Variants in DOCK1 observed in about 807,000 individuals in gnomAD.
The protein encoded by DOCK1 is dedicator of cytokinesis protein 1.
In DOCK1, 138 loss-of-function variants were observed where a neutral mutation model predicts 262.7. The observed-to-expected ratio is 0.53, with a 90% CI of 0.46 to 0.61. The LOEUF is 0.61. DOCK1 is among the 20% of genes least tolerant of loss of function. The pLI is 0.00. For missense variants in DOCK1, 1,908 were observed against 2,370.7 expected, an observed-to-expected ratio of 0.80 and a Z score of 4.05; for synonymous variants, 866 against 867.4, an observed-to-expected ratio of 1.00 and a Z score of 0.03.
chr10:127,175,249 T>A lies in DOCK1; in HGVS notation c.2847+47485T>A. On this transcript the variant is annotated intron_variant, in intron 27 of 51. Transcript: ENST00000623213. This position sits in a 1 kb window ranked among gnomAD's most constrained non-coding sequence, Gnocchi z 6.3. ...GCCTCTCCTTTTTCCAACTCCTGAA[T>A]GACCCCCAAGAGCACTTTGATGGTT... The A allele has an allele frequency of 6.2e-7, 1 of 1,614,138 alleles. No individual in the cohort carries two copies. Among genetic ancestry groups the A allele is most frequent in the Non-Finnish European group, 8.5e-7 (1 of 1,180,002 alleles).
At chr10:127,353,797 G>A (rs1224537978) in intron 31 of DOCK1, among the ~76,000 whole-genome samples, 1 of 152,196 alleles carries the variant, frequency 6.6e-6, no homozygotes, top group Non-Finnish European at 1.5e-5. Context: ...TAGGGCACCA[G>A]AGTCTTCTCT....
At chr10:126,929,532 G>A (rs2034025339) in intron 1 of DOCK1, among the ~76,000 whole-genome samples, 1 of 152,060 alleles carries the variant, frequency 6.6e-6, no homozygotes, top group Non-Finnish European at 1.5e-5. Flanking sequence ...GGCGAGCCTT[G>A]GAGGACGCCG....
chr10:127,064,770 CCCCATTTCTAAGTGT>C (rs2045753152), intron 23 of DOCK1, among the ~76,000 whole-genome samples: 1 of 152,192 alleles, frequency 6.6e-6, no homozygotes, highest in Non-Finnish European at 1.5e-5. Flanking sequence ...ACATGAAATT[CCCCATTTCTAAGTGT>C]CCCGTTCAGT....
intron 29 of DOCK1, among the ~76,000 whole-genome samples, chr10:127,289,941 TA>T (rs1329291465): frequency 6.6e-6 from 1 of 152,200 alleles, no homozygotes; most frequent in East Asian, 1.9e-4. Context: ...ATTTCTGATA[TA>T]TTTTTTACTT....
intron 23 of DOCK1, among the ~76,000 whole-genome samples, chr10:127,078,044 G>T (rs894499913): frequency 6.6e-5 from 10 of 152,106 alleles, no homozygotes; most frequent in African/African-American, 2.4e-4. Context: ...AAGGAATTTG[G>T]ACGAGGAGGT....
chr10:127,350,709 A>G (rs539317330), intron 31 of DOCK1, among the ~76,000 whole-genome samples: 1 of 152,220 alleles, frequency 6.6e-6, no homozygotes, highest in Non-Finnish European at 1.5e-5. Context: ...TGTTCTCCAT[A>G]TCATAGTAAT....
intron 27 of DOCK1, among the ~76,000 whole-genome samples, chr10:127,244,516 A>C (rs544475796): frequency 6.6e-6 from 1 of 152,350 alleles, no homozygotes; most frequent in East Asian, 1.9e-4. Flanking sequence ...CCAACAGCAC[A>C]CAAGAGTCCT....
At chr10:127,283,084 C>T (rs1464939204) in intron 29 of DOCK1, among the ~76,000 whole-genome samples, 7 of 152,250 alleles carry the variant, frequency 4.6e-5, no homozygotes, top group Non-Finnish European at 1.0e-4. Flanking sequence ...AGGAGCGTTA[C>T]GTGGTCTGTG....
At chr10:127,350,631 G>GA (rs2063838477) in intron 31 of DOCK1, among the ~76,000 whole-genome samples, 1 of 152,116 alleles carries the variant, frequency 6.6e-6, no homozygotes, top group South Asian at 2.1e-4. Context: ...TTTATCTTGT[G>GA]TGATTATTTT....
intron 27 of DOCK1, among the ~76,000 whole-genome samples, chr10:127,153,642 A>C (rs1213866310): frequency 6.6e-6 from 1 of 152,244 alleles, no homozygotes; most frequent in Non-Finnish European, 1.5e-5. Context: ...TACATTTGCA[A>C]GATAAATGGG....
chr10:127,255,058 C>T (rs2059783410), intron 28 of DOCK1, among the ~76,000 whole-genome samples: 1 of 152,122 alleles, frequency 6.6e-6, no homozygotes, highest in Non-Finnish European at 1.5e-5. Flanking sequence ...TGGATGGCTG[C>T]TATTAGAGCA....
At chr10:127,131,967 G>A (rs2050353431) in intron 27 of DOCK1, among the ~76,000 whole-genome samples, 1 of 152,152 alleles carries the variant, frequency 6.6e-6, no homozygotes, top group Admixed American at 6.5e-5. Flanking sequence ...AAAGAACTCT[G>A]AAATTAATAT....
At position 127,063,805 on chromosome 10, in the gene DOCK1, C is replaced by T. The variant is rs571620860; in HGVS notation, c.2445+2029C>T. On this transcript the variant is annotated intron_variant, in intron 23 of 51. Coordinates refer to ENST00000623213, the MANE Select transcript of DOCK1 (RefSeq NM_001290223.2). ...GCCTCCCTCCCTTGAAGTCAGATTA[C>T]TTAGTGACTAGGGACCGGGAAGACC... Among the ~76,000 whole-genome samples, 30 of 152,294 alleles carry T rather than the reference C, an allele frequency of 2.0e-4. 1 individual carries two copies. In the South Asian group the frequency reaches 5.8e-3, roughly 29 times the overall value.
At position 127,175,941 on chromosome 10, in the gene DOCK1, T is replaced by G; in HGVS notation, c.2847+48177T>G. On this transcript the variant is annotated intron_variant, in intron 27 of 51. Coordinates refer to ENST00000623213, the MANE Select transcript of DOCK1 (RefSeq NM_001290223.2). This position sits in a 1 kb window ranked among gnomAD's most constrained non-coding sequence, Gnocchi z 6.3. Reference sequence around the variant, plus strand: ...CCGGGCCTCCTCCATGGGTCCAGCCTCGTTCTTCTCTTTCGCATCTGTTAG... The same window carrying G: ...CCGGGCCTCCTCCATGGGTCCAGCCGCGTTCTTCTCTTTCGCATCTGTTAG... The G allele has an allele frequency of 6.2e-7, 1 of 1,614,226 alleles. No homozygotes were observed. The highest frequency in any genetic ancestry group is 8.5e-7 in the Non-Finnish European group (1 of 1,180,040).
chr10:127,216,219 CT>C (rs1338476754), intron 27 of DOCK1, among the ~76,000 whole-genome samples: 1 of 151,194 alleles, frequency 6.6e-6, no homozygotes, highest in African/African-American at 2.4e-5. Context: ...CTGTTTGTAT[CT>C]TTCATTATAT....
At chr10:127,109,552 G>A (rs546483917) in intron 24 of DOCK1, among the ~76,000 whole-genome samples, 1 of 152,158 alleles carries the variant, frequency 6.6e-6, no homozygotes, top group South Asian at 2.1e-4. Flanking sequence ...TTCCTTCCTA[G>A]CCCAGGTAAC....
chr10:127,336,867 C>T (rs1360208293), intron 29 of DOCK1, among the ~76,000 whole-genome samples: 1 of 152,166 alleles, frequency 6.6e-6, no homozygotes, highest in African/African-American at 2.4e-5. Context: ...ATTTTGAGAA[C>T]TGTCTTTATT....
intron 33 of DOCK1, 48 bp from the exon 34 acceptor site, chr10:127,373,733 G>A: frequency 6.7e-7 from 1 of 1,502,430 alleles, no homozygotes; most frequent in Non-Finnish European, 9.1e-7. Context: ...GTCATAAAAT[G>A]AAATACTCGC....
At chr10:127,277,601 A>T (rs931881757) in intron 29 of DOCK1, among the ~76,000 whole-genome samples, 7 of 152,168 alleles carry the variant, frequency 4.6e-5, no homozygotes, top group African/African-American at 1.7e-4. Flanking sequence ...CTACTAAAAA[A>T]TACAAAAAAT....
Sources: gnomAD v4.1 joint callset for allele counts (sites outside exome capture counted in the v4.1 genomes callset) on GRCh38, gnomAD v4.1.1 for gene constraint, Gnocchi (gnomAD v3.1) non-coding constraint, MANE v1.5 for transcripts, NCBI Gene and HGNC (gene_info 2026-07-23, HGNC 2026-07-21) for gene names.